Variants in SRPK2 observed in about 807,000 individuals in gnomAD.
The protein encoded by SRPK2 is SRSF protein kinase 2.
A neutral mutation model predicts 90.8 loss-of-function variants in SRPK2; 21 were observed. That is an observed-to-expected ratio of 0.23 (90% confidence interval 0.16 to 0.33). The LOEUF (loss-of-function observed/expected upper bound fraction) is 0.33. Among genes scored for constraint, SRPK2 ranks in the 10% least tolerant of loss-of-function variants. The probability of loss-of-function intolerance (pLI) is 1.00; values close to 1 mark genes in which losing one functional copy is unlikely to be tolerated. For synonymous variants in SRPK2, 288 were observed against 311.1 expected, an observed-to-expected ratio of 0.93 and a Z score of 0.78; for missense variants, 620 against 869.0, an observed-to-expected ratio of 0.71 and a Z score of 3.60.
intron 2 of SRPK2, among the ~76,000 whole-genome samples, chr7:105,373,089 C>CA (rs796991885): frequency 6.6e-6 from 1 of 151,610 alleles, no homozygotes; most frequent in Non-Finnish European, 1.5e-5. Flanking sequence ...AACTCCATCT[C>CA]AAAAAAAATC....
rs891987840 is a variant in SRPK2 at position 105,387,891 on chromosome 7, G to T, written c.71+757C>A. On this transcript the variant is annotated intron_variant, in intron 2 of 15. Transcript: ENST00000393651. ...CAGCGGCCCCCCTGCTCGGGTGAGC[G>T]GCCAGGCTGGAGGTGGCCGCCACGG... Among the ~76,000 whole-genome samples, 6 of 152,320 alleles carry T rather than the reference G, an allele frequency of 3.9e-5. No individual in the cohort carries two copies. In the Middle Eastern group the frequency reaches 0.014, roughly 348 times the overall value.
intron 13 of SRPK2, among the ~76,000 whole-genome samples, chr7:105,127,696 G>A (rs941882900): frequency 7.2e-5 from 11 of 151,878 alleles, no homozygotes; most frequent in Admixed American, 6.5e-4. Flanking sequence ...GCCACTGGCT[G>A]TCCCTCAGCA....
At chr7:105,276,822 T>C (rs1021508003) in intron 2 of SRPK2, among the ~76,000 whole-genome samples, 1 of 152,096 alleles carries the variant, frequency 6.6e-6, no homozygotes, top group Non-Finnish European at 1.5e-5. Flanking sequence ...AAGAGGAAAA[T>C]GCCTCAGCAG....
intron 2 of SRPK2, among the ~76,000 whole-genome samples, chr7:105,271,657 G>C (rs998844203): frequency 1.3e-5 from 2 of 152,152 alleles, no homozygotes; most frequent in African/African-American, 4.8e-5. Context: ...TGACTTATTA[G>C]AAAAGGCTTG....
At chr7:105,206,765 A>G (rs1412192249) in intron 2 of SRPK2, among the ~76,000 whole-genome samples, 1 of 152,168 alleles carries the variant, frequency 6.6e-6, no homozygotes, top group Admixed American at 6.5e-5. Context: ...AAAAAGTAAA[A>G]ATATTATATT....
At chr7:105,179,975 A>G (rs925183493) in intron 3 of SRPK2, among the ~76,000 whole-genome samples, 9 of 152,204 alleles carry the variant, frequency 5.9e-5, no homozygotes, top group Admixed American at 2.0e-4. Context: ...ATGGACAGGA[A>G]AAATCAATAT....
intron 2 of SRPK2, among the ~76,000 whole-genome samples, chr7:105,361,963 C>CA (rs78113333): frequency 0.95 from 144,695 of 152,162 alleles, 69,242 homozygotes; most frequent in East Asian, 1. Flanking sequence ...CAACAAAAGC[C>CA]AAATTGAAAA....
Position 105,116,411 on chromosome 7 carries a change from G to A in SRPK2, c.*1427C>T, listed in dbSNP as rs894206985. The A allele has an allele frequency of 6.6e-6, 1 of 152,094 alleles. No individual in the cohort carries two copies. The highest frequency in any genetic ancestry group is 2.4e-5 in the African/African-American group (1 of 41,322). 9.4% of individuals were successfully genotyped at this position (152,094 alleles called of 1,614,324 possible). ...AAAACCAAAACACTTTAATTTTTAAGACAACTGCAAGCACCTCAAACAATG... is the reference window on the plus strand; with the variant it reads ...AAAACCAAAACACTTTAATTTTTAAAACAACTGCAAGCACCTCAAACAATG... On this transcript the variant is annotated 3_prime_UTR_variant, in exon 16 of 16. Transcript: ENST00000393651.
intron 2 of SRPK2, among the ~76,000 whole-genome samples, chr7:105,291,044 CAAAA>C (rs10684672): frequency 1.7e-4 from 14 of 83,768 alleles, no homozygotes; most frequent in African/African-American, 5.0e-4. Flanking sequence ...GACTCCGTCT[CAAAA>C]AAAAAAAAAA....
At chr7:105,358,629 T>C (rs936132921) in intron 2 of SRPK2, among the ~76,000 whole-genome samples, 17 of 151,888 alleles carry the variant, frequency 1.1e-4, no homozygotes, top group Non-Finnish European at 2.1e-4. Flanking sequence ...AAGGTTGCAG[T>C]AGGACGAGGT....
intron 2 of SRPK2, among the ~76,000 whole-genome samples, chr7:105,267,101 T>C (rs1029225341): frequency 1.3e-5 from 2 of 152,192 alleles, no homozygotes; most frequent in African/African-American, 4.8e-5. Context: ...TTCTAAACTT[T>C]AAAATCATGA....
intron 2 of SRPK2, among the ~76,000 whole-genome samples, chr7:105,271,948 C>T (rs1805888796): frequency 6.6e-6 from 1 of 152,126 alleles, no homozygotes; most frequent in African/African-American, 2.4e-5. Context: ...TTCCTCACAC[C>T]AAAGTTTTTA....
chr7:105,221,168 T>C (rs180697014), intron 2 of SRPK2, among the ~76,000 whole-genome samples: 112 of 152,280 alleles, frequency 7.4e-4, no homozygotes, highest in Admixed American at 1.3e-3. Flanking sequence ...CTTCATAAAG[T>C]TGAAAAATCC....
Position 105,319,514 on chromosome 7 carries a change from G to A in SRPK2, c.71+69134C>T, listed in dbSNP as rs867091587. On this transcript the variant is annotated intron_variant, in intron 2 of 15. Coordinates refer to ENST00000393651, the MANE Select transcript of SRPK2 (RefSeq NM_182692.3). ...TTAATGCACTTGCGGCGGGGGGGGG[G>A]GGGGCGGTGGATGGCAGGGGGAGAA... Among the ~76,000 whole-genome samples, 199 of 113,476 alleles carry A rather than the reference G, an allele frequency of 1.8e-3. 43 individuals carry two copies. The highest frequency in any genetic ancestry group is 2.9e-3 in the Non-Finnish European group (152 of 52,676). The allele number at this position is 113,476 out of a possible 152,430, so 74.4% of individuals were successfully genotyped here. A position where few individuals can be genotyped will look rare whatever the true frequency, so the allele number is the denominator to read the frequency against.
chr7:105,160,633 C>T lies in SRPK2; in HGVS notation c.515-20G>A, dbSNP rs1433715755. 3.4e-6 allele frequency: 5 copies of T among 1,489,730 alleles called. No individual in the cohort carries two copies. Among genetic ancestry groups the T allele is most frequent in the East Asian group, 2.3e-5 (1 of 44,210 alleles). 92.3% of individuals were successfully genotyped at this position (1,489,730 alleles called of 1,614,324 possible). On this transcript the variant is annotated intron_variant, in intron 6 of 15. Coordinates refer to ENST00000393651, the MANE Select transcript of SRPK2 (RefSeq NM_182692.3). ...AGACATCTGGGACACAGTTAAGGAT[C>T]GTTTGTGGATGCACTGCCTGGAGTG... is the stretch of plus-strand genomic sequence containing the variant.
At chr7:105,381,920 C>G (rs903554773) in intron 2 of SRPK2, among the ~76,000 whole-genome samples, 7 of 152,150 alleles carry the variant, frequency 4.6e-5, no homozygotes, top group African/African-American at 1.4e-4. Flanking sequence ...GTAATCCCAA[C>G]ACTTTGGGAG....
At chr7:105,308,357 G>T (rs952810109) in intron 2 of SRPK2, among the ~76,000 whole-genome samples, 1 of 152,128 alleles carries the variant, frequency 6.6e-6, no homozygotes, top group African/African-American at 2.4e-5. Flanking sequence ...ACCCATTCTT[G>T]AGCAGGCTGG....
upstream of SRPK2, among the ~76,000 whole-genome samples, chr7:105,392,974 G>T (rs1366905587): frequency 6.7e-6 from 1 of 149,976 alleles, no homozygotes; most frequent in Non-Finnish European, 1.5e-5. Context: ...CACCACACCC[G>T]GCTAATTTTT....
chr7:105,301,955 G>C, intron 2 of SRPK2: 1 of 1,609,228 alleles, frequency 6.2e-7, no homozygotes, highest in Non-Finnish European at 8.5e-7. Context: ...AGACAAAAAA[G>C]AATAACTTTC....
Sources: gnomAD v4.1 joint callset for allele counts (sites outside exome capture counted in the v4.1 genomes callset) on GRCh38, gnomAD v4.1.1 for gene constraint, MANE v1.5 for transcripts, NCBI Gene and HGNC (gene_info 2026-07-23, HGNC 2026-07-21) for gene names.